Variants in MGAT4D observed in about 807,000 individuals in gnomAD.
The protein encoded by MGAT4D is MGAT4 family member D, also known as alpha-1,3-mannosyl-glycoprotein 4-beta-N-acetylglucosaminyltransferase-like protein MGAT4D.
In MGAT4D, 34 loss-of-function variants were observed where a neutral mutation model predicts 15.9. The observed-to-expected ratio is 2.14, with a 90% CI of 1.62 to 2.84. The LOEUF is 2.84. Among genes scored for constraint, MGAT4D ranks in the 30% most tolerant of loss-of-function variants. MGAT4D has a pLI of 0.00. For missense variants in MGAT4D, 327 were observed against 140.2 expected (o/e 2.33, Z -6.73); for synonymous variants, 112 against 48.2 (o/e 2.33, Z -5.49).
chr4:140,450,610 A>T (rs6830503), intron 10 of MGAT4D, among the ~76,000 whole-genome samples: 5 of 151,972 alleles, frequency 3.3e-5, no homozygotes, highest in Non-Finnish European at 5.9e-5. Flanking sequence ...AAGTAGAAAA[A>T]GCAGAAAGAG....
chr4:140,456,781 T>C (rs1730835530), intron 8 of MGAT4D, 62 bp from the exon 9 acceptor site: 1 of 554,038 alleles, frequency 1.8e-6, no homozygotes, highest in African/African-American at 1.9e-5. Context: ...TCCTTTAACA[T>C]GGGAAAAAGC....
chr4:140,442,558 T>C lies in MGAT4D; in HGVS notation c.*878A>G, dbSNP rs1729843899. On this transcript the variant is annotated 3_prime_UTR_variant, in exon 11 of 11. Coordinates refer to ENST00000511113, the MANE Select transcript of MGAT4D (RefSeq NM_001277353.2). ...TCAACAACCAAATTAGAAAGCCTGA[T>C]ATAAGAGAATTTTGCACCCAATAGA... The C allele has an allele frequency of 6.6e-6, 1 of 152,122 alleles. No homozygotes were observed. The highest frequency in any genetic ancestry group is 6.6e-5 in the Admixed American group (1 of 15,266). 9.4% of individuals were successfully genotyped at this position (152,122 alleles called of 1,614,324 possible).
rs537978965 is a variant in MGAT4D, at chr4:140,477,705, C to T, written c.391+1785G>A. On this transcript the variant is annotated intron_variant, in intron 3 of 10. Coordinates refer to ENST00000511113, the MANE Select transcript of MGAT4D (RefSeq NM_001277353.2). ...TACAGCCTTTTCTGCATATACCCTG[C>T]CAAGGGGCTAACTTCACCTCATGTG... Among the ~76,000 whole-genome samples the T allele has an allele frequency of 3.3e-5, 5 of 152,274 alleles. No individual in the cohort carries two copies. The East Asian group carries it at 7.7e-4, about 24-fold the overall frequency.
chr4:140,460,175 A>C (rs1482219385), intron 7 of MGAT4D, among the ~76,000 whole-genome samples: 1 of 152,190 alleles, frequency 6.6e-6, no homozygotes, highest in South Asian at 2.1e-4. Flanking sequence ...CTTTATCTAA[A>C]TCCACTTTCA....
At chr4:140,458,104 A>G (rs1170992706) in intron 8 of MGAT4D, 2 of 152,212 alleles carry the variant, frequency 1.3e-5, no homozygotes, top group Non-Finnish European at 2.9e-5. Flanking sequence ...CCGTATAACC[A>G]ATCTGTAAAG....
rs1732567643 is a variant in MGAT4D at position 140,479,668 on chromosome 4, G to A, written c.254-41C>T. 5 of 384,584 alleles carry A rather than the reference G, an allele frequency of 1.3e-5. No homozygotes were observed. In the Admixed American group the frequency reaches 1.4e-4, roughly 10 times the overall value. 23.8% of individuals were successfully genotyped at this position (384,584 alleles called of 1,614,324 possible). ...AATGCTTCTGAGTATATGATCATAG[G>A]GATTTTTCTCCCCCTGGAATAATTT... On this transcript the variant is annotated intron_variant, in intron 2 of 10. Coordinates refer to ENST00000511113, the MANE Select transcript of MGAT4D (RefSeq NM_001277353.2).
intron 6 of MGAT4D, among the ~76,000 whole-genome samples, chr4:140,463,596 A>G (rs1731336644): frequency 6.6e-6 from 1 of 152,128 alleles, no homozygotes; most frequent in Admixed American, 6.5e-5. Flanking sequence ...AAAAAGCAGT[A>G]CCCAAGGTCA....
chr4:140,454,181 T>C (rs1329071971), intron 9 of MGAT4D, among the ~76,000 whole-genome samples: 2 of 152,198 alleles, frequency 1.3e-5, no homozygotes, highest in African/African-American at 4.8e-5. Context: ...GGTTATTTTT[T>C]TCTTAATCTT....
chr4:140,488,587 T>C (rs950034008), intron 1 of MGAT4D, among the ~76,000 whole-genome samples: 12 of 152,146 alleles, frequency 7.9e-5, no homozygotes, highest in African/African-American at 2.2e-4. Context: ...GGAAGACTTG[T>C]GAACTTGTAT....
At chr4:140,444,205 A>G (rs1331957954) in intron 10 of MGAT4D, among the ~76,000 whole-genome samples, 1 of 152,154 alleles carries the variant, frequency 6.6e-6, no homozygotes, top group Admixed American at 6.6e-5. Context: ...TAATTCAGTT[A>G]AAGTATTTTT....
At chr4:140,478,613 A>T (rs1375898294) in intron 3 of MGAT4D, among the ~76,000 whole-genome samples, 1 of 152,180 alleles carries the variant, frequency 6.6e-6, no homozygotes. Flanking sequence ...ATTGCATTGG[A>T]TTGTGAAGAT....
intron 1 of MGAT4D, among the ~76,000 whole-genome samples, chr4:140,496,876 T>C (rs1163948132): frequency 1.3e-5 from 2 of 152,184 alleles, no homozygotes; most frequent in Non-Finnish European, 2.9e-5. Flanking sequence ...TTTTGCTTTC[T>C]AATTAAAAGA....
At chr4:140,454,099 T>C (rs1643899749) in intron 9 of MGAT4D, among the ~76,000 whole-genome samples, 1 of 152,102 alleles carries the variant, frequency 6.6e-6, no homozygotes, top group Non-Finnish European at 1.5e-5. Flanking sequence ...TTCACGTGCC[T>C]TTGTTTTTCC....
At chr4:140,446,618 CCAA>C (rs1471976359) in intron 10 of MGAT4D, among the ~76,000 whole-genome samples, 1 of 151,864 alleles carries the variant, frequency 6.6e-6, no homozygotes, top group African/African-American at 2.4e-5. Context: ...CTTTGAAGAA[CCAA>C]CTCCTGGATT....
chr4:140,464,766 G>A (rs1426425235), intron 6 of MGAT4D, 130 bp downstream of exon 6: 5 of 607,106 alleles, frequency 8.2e-6, no homozygotes, highest in Non-Finnish European at 1.5e-5. Flanking sequence ...ACATAGTTGG[G>A]TCTTGCAACC....
chr4:140,445,904 C>A (rs1730090735), intron 10 of MGAT4D, among the ~76,000 whole-genome samples: 1 of 151,994 alleles, frequency 6.6e-6, no homozygotes. Context: ...TGTTTTTGTA[C>A]CAGTACCATT....
chr4:140,492,572 G>C (rs912307406), intron 1 of MGAT4D, among the ~76,000 whole-genome samples: 2 of 151,258 alleles, frequency 1.3e-5, no homozygotes, highest in Non-Finnish European at 2.9e-5. Context: ...AGATTACAGT[G>C]AGCCAAGATT....
intron 1 of MGAT4D, among the ~76,000 whole-genome samples, chr4:140,489,075 ACAGTTTAT>A (rs1422988029): frequency 6.6e-6 from 1 of 152,172 alleles, no homozygotes; most frequent in Non-Finnish European, 1.5e-5. Flanking sequence ...ATGGCCTACT[ACAGTTTAT>A]CATGGGGAAC....
chr4:140,498,145 G>T lies in MGAT4D; in HGVS notation c.78C>A (p.Tyr26Ter), dbSNP rs1476670730. 1.4e-6 allele frequency: 1 copy of T among 702,616 alleles called. No individual in the cohort carries two copies. Among genetic ancestry groups the T allele is most frequent in the Non-Finnish European group, 2.6e-6 (1 of 384,684 alleles). 43.5% of individuals were successfully genotyped at this position (702,616 alleles called of 1,614,324 possible). A position where few individuals can be genotyped will look rare whatever the true frequency, so the allele number is the denominator to read the frequency against. ...ALFSFSCFSI[Y>*]RITQTNNQLI... Reference sequence around the variant, plus strand: ...GCCGCTTACTGGTTTGAGTTATCCTGTAGATGGAGAAGCAAGAGAAGCTGA... The same window carrying T: ...GCCGCTTACTGGTTTGAGTTATCCTTTAGATGGAGAAGCAAGAGAAGCTGA... Residue 26 changes from tyrosine to a stop codon, truncating the protein, a stop_gained, in exon 1 of 11, where the codon TAC becomes TAA. Transcript: ENST00000511113. LOFTEE classifies it high-confidence loss of function.
Sources: allele counts gnomAD v4.1 joint callset (sites outside exome capture counted in the v4.1 genomes callset), GRCh38; gene constraint gnomAD v4.1.1; transcripts MANE v1.5; gene names NCBI Gene and HGNC (gene_info 2026-07-23, HGNC 2026-07-21).